Variants in NXPE4 observed in about 807,000 individuals in gnomAD.
NXPE4 encodes NXPE family member 4.
Under a neutral mutation model 33.3 loss-of-function variants are expected in NXPE4, and 42 were observed. That is an observed-to-expected ratio of 1.26 (90% CI 0.98 to 1.63). NXPE4 has a LOEUF of 1.63. Ranked by LOEUF, NXPE4 falls within the 40% of genes most tolerant of loss-of-function variation. The probability of loss-of-function intolerance (pLI) is 0.00; values close to 1 mark genes in which losing one functional copy is unlikely to be tolerated. For synonymous variants in NXPE4, 253 were observed against 234.9 expected (o/e 1.08, Z -0.71); for missense variants, 709 against 647.6 (o/e 1.09, Z -1.03).
At chr11:114,590,966 C>T (rs1949437598) in intron 2 of NXPE4, among the ~76,000 whole-genome samples, 1 of 152,174 alleles carries the variant, frequency 6.6e-6, no homozygotes, top group Non-Finnish European at 1.5e-5. Context: ...CTAAACCCAG[C>T]CACTTTCCTC....
At chr11:114,639,727 T>C in the NXPE4 span, among the ~76,000 whole-genome samples, 5 of 123,786 alleles carry the variant, frequency 4.0e-5, no homozygotes, top group African/African-American at 1.5e-4. Flanking sequence ...AATATAGTAA[T>C]ATAATATAAA....
At chr11:114,646,401 G>C in the NXPE4 span, among the ~76,000 whole-genome samples, 1 of 151,510 alleles carries the variant, frequency 6.6e-6, no homozygotes, top group Non-Finnish European at 1.5e-5. Flanking sequence ...GTCCTTAGGT[G>C]GTATTTCAGT....
the NXPE4 span, among the ~76,000 whole-genome samples, chr11:114,632,706 T>C: frequency 1.3e-5 from 1 of 77,166 alleles, no homozygotes; most frequent in Non-Finnish European, 2.2e-5. Context: ...ATTTATATAA[T>C]ATAATATAAT....
chr11:114,605,573 A>T, the NXPE4 span, among the ~76,000 whole-genome samples: 3 of 151,704 alleles, frequency 2.0e-5, no homozygotes, highest in African/African-American at 7.3e-5. Context: ...TACCCGGTGG[A>T]TAATAAGTAT....
chr11:114,650,459 C>A, the NXPE4 span, among the ~76,000 whole-genome samples: 5 of 152,094 alleles, frequency 3.3e-5, no homozygotes, highest in South Asian at 4.1e-4. Context: ...TTGGTGCAGG[C>A]ATGAAGGAAG....
At chr11:114,613,264 C>T in the NXPE4 span, among the ~76,000 whole-genome samples, 2 of 151,922 alleles carry the variant, frequency 1.3e-5, no homozygotes, top group Non-Finnish European at 1.5e-5. Flanking sequence ...ATAAGCATTG[C>T]CTCACAGGTA....
At chr11:114,575,727 C>G (rs980825231) in intron 5 of NXPE4, among the ~76,000 whole-genome samples, 1 of 152,182 alleles carries the variant, frequency 6.6e-6, no homozygotes, top group African/African-American at 2.4e-5. Context: ...AAACACATCA[C>G]ATGCTCATGG....
At chr11:114,603,996 G>A in the NXPE4 span, among the ~76,000 whole-genome samples, 171 of 151,114 alleles carry the variant, frequency 1.1e-3, no homozygotes, top group African/African-American at 4.1e-3. Context: ...GTATTGCCTC[G>A]TCTCCTAGGT....
the NXPE4 span, among the ~76,000 whole-genome samples, chr11:114,644,334 G>A: frequency 6.6e-6 from 1 of 152,160 alleles, no homozygotes; most frequent in African/African-American, 2.4e-5. Context: ...TCTTGTGCTG[G>A]TTTTCAAAGG....
the NXPE4 span, among the ~76,000 whole-genome samples, chr11:114,612,224 A>G: frequency 2.0e-5 from 3 of 149,940 alleles, no homozygotes; most frequent in African/African-American, 7.4e-5. Context: ...TGTTGCCTCT[A>G]TGGTAACCAC....
chr11:114,608,136 C>T, the NXPE4 span, among the ~76,000 whole-genome samples: 1 of 151,824 alleles, frequency 6.6e-6, no homozygotes, highest in Non-Finnish European at 1.5e-5. Context: ...ATAAGTATTG[C>T]CTCATGGGTA....
At chr11:114,629,947 A>G in the NXPE4 span, among the ~76,000 whole-genome samples, 2 of 150,508 alleles carry the variant, frequency 1.3e-5, no homozygotes, top group Admixed American at 1.3e-4. Context: ...TAAAATACCT[A>G]GGAATCCAAC....
At chr11:114,651,311 C>T in the NXPE4 span, among the ~76,000 whole-genome samples, 5 of 151,066 alleles carry the variant, frequency 3.3e-5, no homozygotes, top group East Asian at 2.0e-4. Flanking sequence ...GGAGTGAAGC[C>T]GCAGACCTTG....
chr11:114,669,151 C>T, the NXPE4 span, among the ~76,000 whole-genome samples: 1 of 152,042 alleles, frequency 6.6e-6, no homozygotes, highest in South Asian at 2.1e-4. Flanking sequence ...TCTGTGGACC[C>T]TCTCCCCAGT....
chr11:114,633,872 T>C, the NXPE4 span, among the ~76,000 whole-genome samples: 4 of 152,060 alleles, frequency 2.6e-5, no homozygotes, highest in African/African-American at 9.6e-5. Context: ...CATTTTTGGA[T>C]ATTGGGGTTG....
At chr11:114,676,096 C>T in the NXPE4 span, among the ~76,000 whole-genome samples, 4 of 151,732 alleles carry the variant, frequency 2.6e-5, no homozygotes, top group Non-Finnish European at 5.9e-5. Flanking sequence ...TAAAAAAAAT[C>T]CAACTGAAAA....
the NXPE4 span, among the ~76,000 whole-genome samples, chr11:114,602,354 T>C: frequency 1.6e-5 from 2 of 126,830 alleles, no homozygotes; most frequent in South Asian, 2.3e-4. Flanking sequence ...ACATATACTA[T>C]ATATAATATG....
At chr11:114,650,338 T>A in the NXPE4 span, among the ~76,000 whole-genome samples, 4 of 152,174 alleles carry the variant, frequency 2.6e-5, no homozygotes, top group Admixed American at 6.6e-5. Flanking sequence ...ATAGCTGGGA[T>A]CACCAGAAAA....
At chr11:114,589,603 C>G (rs994830048) in intron 2 of NXPE4, among the ~76,000 whole-genome samples, 2 of 152,148 alleles carry the variant, frequency 1.3e-5, no homozygotes, top group African/African-American at 4.8e-5. Context: ...CCAGGAAAAA[C>G]TCTTTTTCTC....
Sources: allele counts gnomAD v4.1 joint callset (sites outside exome capture counted in the v4.1 genomes callset), GRCh38; gene constraint gnomAD v4.1.1; transcripts MANE v1.5; gene names NCBI Gene and HGNC (gene_info 2026-07-23, HGNC 2026-07-21).